UNC5C: variants seen among roughly 807,000 people sequenced by gnomAD.
UNC5C encodes the protein netrin receptor UNC5C.
In UNC5C, 47 loss-of-function variants were observed where a neutral mutation model predicts 99.8. The observed-to-expected ratio is 0.47, with a 90% CI of 0.37 to 0.60. The LOEUF (loss-of-function observed/expected upper bound fraction) is 0.60. Ranked by LOEUF, UNC5C falls within the 20% of genes least tolerant of loss-of-function variation. The probability of loss-of-function intolerance (pLI) is 0.00; values close to 1 mark genes in which losing one functional copy is unlikely to be tolerated. For missense variants in UNC5C, 1,062 were observed against 1,165.9 expected (o/e 0.91, Z 1.30); for synonymous variants, 487 against 452.2 (o/e 1.08, Z -0.98).
chr4:95,472,739 C>G (rs1748013359), intron 1 of UNC5C, among the ~76,000 whole-genome samples: 1 of 152,032 alleles, frequency 6.6e-6, no homozygotes, highest in African/African-American at 2.4e-5. Flanking sequence ...GATAATCTGA[C>G]AATCGTTTCA....
chr4:95,169,797 C>A (rs971769217), intron 15 of UNC5C, among the ~76,000 whole-genome samples: 1 of 152,154 alleles, frequency 6.6e-6, no homozygotes, highest in East Asian at 1.9e-4. Flanking sequence ...AATATCAGTG[C>A]TGTGTTGGCA....
At chr4:95,413,245 C>A (rs1171703475) in intron 1 of UNC5C, among the ~76,000 whole-genome samples, 1 of 152,112 alleles carries the variant, frequency 6.6e-6, no homozygotes, top group Admixed American at 6.5e-5. Flanking sequence ...CTGCAGTGGC[C>A]TCTCCTCCTC....
At position 95,548,905 on chromosome 4, in the gene UNC5C, GCAAA is replaced by G; in HGVS notation, c.-52_-49del. On this transcript the variant is annotated 5_prime_UTR_variant, in exon 1 of 16. Transcript: ENST00000453304. ...GGAGGGGAGGGGGACAGAGAGACGC[GCAAA>G]CAGCTGAAAGCCCCACTGGGCAGAA... is the stretch of plus-strand genomic sequence containing the variant. 1 of 1,606,134 alleles carries G rather than the reference GCAAA, an allele frequency of 6.2e-7. No homozygotes were observed. The highest frequency in any genetic ancestry group is 8.5e-7 in the Non-Finnish European group (1 of 1,176,344).
intron 14 of UNC5C, among the ~76,000 whole-genome samples, chr4:95,175,508 A>C (rs1237631650): frequency 1.3e-5 from 2 of 151,852 alleles, no homozygotes; most frequent in African/African-American, 2.4e-5. Flanking sequence ...TATGAAGCTT[A>C]GTTTGGCTGG....
intron 1 of UNC5C, among the ~76,000 whole-genome samples, chr4:95,416,327 G>A (rs1176588342): frequency 1.3e-5 from 2 of 152,072 alleles, no homozygotes; most frequent in Admixed American, 6.5e-5. Context: ...CTTCCCTAAA[G>A]AACTAGAAAG....
intron 2 of UNC5C, among the ~76,000 whole-genome samples, chr4:95,313,137 TAG>T (rs1435400263): frequency 6.6e-6 from 1 of 152,086 alleles, no homozygotes; most frequent in Non-Finnish European, 1.5e-5. Flanking sequence ...GAAGAGAGAA[TAG>T]CATGAAGCCA....
intron 1 of UNC5C, among the ~76,000 whole-genome samples, chr4:95,427,130 A>G (rs1166083274): frequency 6.6e-6 from 1 of 152,130 alleles, no homozygotes; most frequent in East Asian, 1.9e-4. Context: ...CTAGCAAGAG[A>G]ATTAGAATTA....
chr4:95,423,157 A>C (rs1746368266), intron 1 of UNC5C, among the ~76,000 whole-genome samples: 2 of 152,204 alleles, frequency 1.3e-5, no homozygotes, highest in Admixed American at 6.5e-5. Context: ...AGAGGATTGT[A>C]TCTTTTGCTA....
At chr4:95,263,007 G>T (rs749007795) in intron 4 of UNC5C, among the ~76,000 whole-genome samples, 8 of 152,110 alleles carry the variant, frequency 5.3e-5, no homozygotes, top group Admixed American at 3.3e-4. Flanking sequence ...AGAGACGGGG[G>T]TTCCTCCATG....
intron 1 of UNC5C, among the ~76,000 whole-genome samples, chr4:95,478,853 G>T (rs987555164): frequency 1.3e-5 from 2 of 151,940 alleles, no homozygotes; most frequent in African/African-American, 4.8e-5. Context: ...CTCATCAATG[G>T]CTTGATGCCT....
chr4:95,499,643 G>A (rs972233950), intron 1 of UNC5C, among the ~76,000 whole-genome samples: 3 of 152,038 alleles, frequency 2.0e-5, no homozygotes, highest in Non-Finnish European at 4.4e-5. Flanking sequence ...GAGAAAAAGG[G>A]AGGAGCACAG....
chr4:95,254,049 C>T (rs976652967), intron 4 of UNC5C, among the ~76,000 whole-genome samples: 3 of 152,124 alleles, frequency 2.0e-5, no homozygotes, highest in African/African-American at 4.8e-5. Context: ...ATCCAATGTG[C>T]CACTGGGTCT....
At chr4:95,181,633 G>T (rs1042105058) in intron 14 of UNC5C, among the ~76,000 whole-genome samples, 1 of 152,100 alleles carries the variant, frequency 6.6e-6, no homozygotes, top group African/African-American at 2.4e-5. Context: ...CCGAAGGCCT[G>T]GCGGTTGCCA....
intron 7 of UNC5C, among the ~76,000 whole-genome samples, chr4:95,239,102 C>G (rs1476716153): frequency 6.6e-6 from 1 of 152,132 alleles, no homozygotes; most frequent in East Asian, 1.9e-4. Flanking sequence ...TGATTGGGAA[C>G]TTTGTATTGT....
intron 2 of UNC5C, among the ~76,000 whole-genome samples, chr4:95,316,634 G>A (rs1361602631): frequency 6.6e-6 from 1 of 152,096 alleles, no homozygotes; most frequent in Non-Finnish European, 1.5e-5. Flanking sequence ...AAAATGAGAA[G>A]AATAGAACCA....
At chr4:95,195,524 G>A (rs1737343601) in intron 12 of UNC5C, among the ~76,000 whole-genome samples, 1 of 152,164 alleles carries the variant, frequency 6.6e-6, no homozygotes, top group Non-Finnish European at 1.5e-5. Context: ...TAATTCCAGG[G>A]AAGATCAGCC....
intron 4 of UNC5C, among the ~76,000 whole-genome samples, chr4:95,274,234 A>G (rs1341789642): frequency 2.0e-5 from 3 of 152,100 alleles, no homozygotes; most frequent in Non-Finnish European, 4.4e-5. Context: ...TTCGATGTGG[A>G]AACAGTTCTG....
At chr4:95,386,783 C>A (rs1165866557) in intron 1 of UNC5C, among the ~76,000 whole-genome samples, 2 of 152,236 alleles carry the variant, frequency 1.3e-5, no homozygotes. Flanking sequence ...TCACTTCCCC[C>A]CAAAAAAAGC....
intron 14 of UNC5C, among the ~76,000 whole-genome samples, chr4:95,175,324 G>A: frequency 6.6e-6 from 1 of 151,498 alleles, no homozygotes; most frequent in African/African-American, 2.4e-5. Context: ...AGTTGATGCA[G>A]TTTCTTCCTA....
Sources: gnomAD v4.1 joint callset for allele counts (sites outside exome capture counted in the v4.1 genomes callset) on GRCh38, gnomAD v4.1.1 for gene constraint, MANE v1.5 for transcripts, NCBI Gene and HGNC (gene_info 2026-07-23, HGNC 2026-07-21) for gene names.